The following ESRRG variants were observed in gnomAD, a reference collection of about 807,000 sequenced individuals.
ESRRG encodes the protein estrogen-related receptor gamma.
Under a neutral mutation model 44.0 loss-of-function variants are expected in ESRRG, and 13 were observed. That is an observed-to-expected ratio of 0.30 (90% CI 0.19 to 0.47). ESRRG has a LOEUF of 0.47. Ranked by LOEUF, ESRRG falls within the 20% of genes least tolerant of loss-of-function variation. The pLI is 1.00. For synonymous variants in ESRRG, 215 were observed against 214.6 expected (o/e 1.00, Z -0.02); for missense variants, 395 against 580.6 (o/e 0.68, Z 3.29).
At chr1:216,843,970 C>T (rs2095695388) in intron 2 of ESRRG, among the ~76,000 whole-genome samples, 1 of 151,576 alleles carries the variant, frequency 6.6e-6, no homozygotes, top group Admixed American at 6.6e-5. Flanking sequence ...CAAGTATTGT[C>T]CTCATTTTAC....
chr1:216,683,795 G>A (rs2077457608), intron 1 of ESRRG, among the ~76,000 whole-genome samples: 1 of 152,088 alleles, frequency 6.6e-6, no homozygotes, highest in South Asian at 2.1e-4. Flanking sequence ...CTGCTTTTAG[G>A]GTTGTAGAGT....
At chr1:216,700,644 G>A (rs2081225087) in intron 1 of ESRRG, among the ~76,000 whole-genome samples, 1 of 152,130 alleles carries the variant, frequency 6.6e-6, no homozygotes, top group African/African-American at 2.4e-5. Context: ...GTATTCCTAT[G>A]CATTTCAAAA....
Position 216,652,218 on chromosome 1 carries a change from G to A in ESRRG, c.473-1129C>T, listed in dbSNP as rs917293507. On this transcript the variant is annotated intron_variant, in intron 2 of 6. Coordinates refer to ENST00000408911, the MANE Select transcript of ESRRG (RefSeq NM_001438.4). ...TCCATGTTTGCAAAACTCAGGGTCC[G>A]TCCAAGTCCCCTGAAACATGCGCAG... Among the ~76,000 whole-genome samples, 7 of 152,234 alleles carry A rather than the reference G, an allele frequency of 4.6e-5. No homozygotes were observed. In the South Asian group the frequency reaches 6.2e-4, roughly 14 times the overall value.
At chr1:216,569,190 GGGAAAGGAAAGGAAAGGAAAGGAAA>G (rs55924517) in intron 3 of ESRRG, among the ~76,000 whole-genome samples, 14 of 53,860 alleles carry the variant, frequency 2.6e-4, no homozygotes, top group Non-Finnish European at 3.8e-4. Context: ...GGGAAGGGAA[GGGAAAGGAAAGGAAAGGAAAGGAAA>G]GGAAAGGAAA....
At position 216,564,302 on chromosome 1, in the gene ESRRG, C is replaced by T. The variant is rs2059296578; in HGVS notation, c.779G>A (p.Ser260Asn). The T allele has an allele frequency of 1.9e-6, 3 of 1,612,136 alleles. No individual in the cohort carries two copies. Among genetic ancestry groups the T allele is most frequent in the Admixed American group, 3.3e-5 (2 of 59,824 alleles). The change falls in exon 5 of 7, where the codon AGT (serine) becomes AAT (asparagine). Residue 260 changes from serine to asparagine, a missense_variant. Coordinates refer to ENST00000408911, the MANE Select transcript of ESRRG (RefSeq NM_001438.4). ...CAGTGTAGTGAGGGCTTTGATGTCA[C>T]TGTCGGGGACAGTAGGGTCAGGCAT... is the stretch of plus-strand genomic sequence containing the variant. ...YAMPDPTVPD[S>N]DIKALTTLCD...
intron 2 of ESRRG, among the ~76,000 whole-genome samples, chr1:216,672,041 A>G (rs201361598): frequency 7.1e-5 from 5 of 70,312 alleles, no homozygotes; most frequent in Admixed American, 1.3e-4. Flanking sequence ...AAGGAAGGAA[A>G]GAAAGAAGGA....
At chr1:216,843,242 G>T (rs11572565) in intron 2 of ESRRG, among the ~76,000 whole-genome samples, 5,071 of 151,202 alleles carry the variant, frequency 0.034, 296 homozygotes, top group African/African-American at 0.11. Flanking sequence ...TATGAGATTT[G>T]TGAGGCTATT....
chr1:216,925,550 A>G (rs2062431208), intron 2 of ESRRG, among the ~76,000 whole-genome samples: 1 of 152,116 alleles, frequency 6.6e-6, no homozygotes, highest in Non-Finnish European at 1.5e-5. Context: ...CAAATACAAG[A>G]GAAGAACATG....
intron 5 of ESRRG, among the ~76,000 whole-genome samples, chr1:216,534,927 G>A (rs1467379201): frequency 3.3e-5 from 5 of 152,102 alleles, no homozygotes; most frequent in Admixed American, 3.3e-4. Flanking sequence ...TATCCCAAAG[G>A]AAAAGCCCAT....
intron 3 of ESRRG, among the ~76,000 whole-genome samples, chr1:216,601,181 G>A (rs1470948693): frequency 2.0e-5 from 3 of 152,192 alleles, no homozygotes; most frequent in Non-Finnish European, 2.9e-5. Flanking sequence ...CGGGCGCTCG[G>A]CCAGGGGCTC....
chr1:216,541,893 C>A (rs955324904), intron 5 of ESRRG, among the ~76,000 whole-genome samples: 15 of 151,958 alleles, frequency 9.9e-5, no homozygotes, highest in South Asian at 2.1e-4. Flanking sequence ...TGAGAGTGAT[C>A]ACACAGAAGA....
chr1:216,987,438 G>A (rs375858479), intron 1 of ESRRG, among the ~76,000 whole-genome samples: 11 of 152,150 alleles, frequency 7.2e-5, no homozygotes, highest in African/African-American at 1.7e-4. Flanking sequence ...CATACTGAAC[G>A]TTTGGGATGT....
intron 1 of ESRRG, among the ~76,000 whole-genome samples, chr1:216,945,073 T>C (rs1321201630): frequency 6.6e-6 from 1 of 152,066 alleles, no homozygotes; most frequent in African/African-American, 2.4e-5. Flanking sequence ...AATTAATAGC[T>C]CCCCCTATCT....
intron 2 of ESRRG, among the ~76,000 whole-genome samples, chr1:216,764,532 G>T (rs1172862677): frequency 6.6e-6 from 1 of 151,900 alleles, no homozygotes; most frequent in East Asian, 1.9e-4. Context: ...GCCTCCCAAA[G>T]TGCTGGGATT....
intron 5 of ESRRG, among the ~76,000 whole-genome samples, chr1:216,542,373 T>C (rs898990138): frequency 6.6e-6 from 1 of 151,960 alleles, no homozygotes; most frequent in African/African-American, 2.4e-5. Context: ...TCTTTAAAAG[T>C]AGCTATAGCT....
At chr1:217,112,133 A>C (rs1456205091) in intron 1 of ESRRG, among the ~76,000 whole-genome samples, 2 of 152,226 alleles carry the variant, frequency 1.3e-5, no homozygotes, top group African/African-American at 4.8e-5. Flanking sequence ...ACTGCAGAAG[A>C]GAACCCAGGC....
At chr1:216,949,329 G>C (rs573389314) in intron 1 of ESRRG, among the ~76,000 whole-genome samples, 1 of 152,162 alleles carries the variant, frequency 6.6e-6, no homozygotes, top group African/African-American at 2.4e-5. Context: ...AATGTTGAAG[G>C]TTTCTTAAGG....
intron 3 of ESRRG, among the ~76,000 whole-genome samples, chr1:216,616,672 G>A (rs890959199): frequency 4.0e-5 from 6 of 150,750 alleles, no homozygotes; most frequent in East Asian, 2.0e-4. Context: ...TTTATAGGCC[G>A]CCACAAACCA....
At chr1:217,111,030 T>G (rs544142612) in intron 1 of ESRRG, among the ~76,000 whole-genome samples, 1 of 152,278 alleles carries the variant, frequency 6.6e-6, no homozygotes, top group African/African-American at 2.4e-5. Context: ...TGTTAGTGAG[T>G]GTTCCAGAAG....
Sources: allele counts gnomAD v4.1 joint callset (sites outside exome capture counted in the v4.1 genomes callset), GRCh38; gene constraint gnomAD v4.1.1; transcripts MANE v1.5; gene names NCBI Gene and HGNC (gene_info 2026-07-23, HGNC 2026-07-21).